MUSK: variants seen among roughly 807,000 people sequenced by gnomAD.
The protein encoded by MUSK is muscle, skeletal receptor tyrosine-protein kinase.
Under a neutral mutation model 88.7 loss-of-function variants are expected in MUSK, and 55 were observed. The observed-to-expected ratio is 0.62, with a 90% CI of 0.50 to 0.78. The LOEUF (loss-of-function observed/expected upper bound fraction) is 0.78, where lower values mean the gene tolerates loss of function less well. MUSK is among the 30% of genes least tolerant of loss of function. MUSK has a pLI of 0.00. For missense variants in MUSK, 1,015 were observed against 1,074.3 expected, an observed-to-expected ratio of 0.94 and a Z score of 0.77; for synonymous variants, 387 against 391.9, an observed-to-expected ratio of 0.99 and a Z score of 0.15.
At chr9:110,709,270 G>A (rs775570989) in intron 5 of MUSK, among the ~76,000 whole-genome samples, 28 of 152,044 alleles carry the variant, frequency 1.8e-4, no homozygotes, top group Admixed American at 2.6e-4. Flanking sequence ...ATTTATTTCC[G>A]TGAACAACAA....
intron 5 of MUSK, among the ~76,000 whole-genome samples, chr9:110,710,371 C>T (rs2076652598): frequency 6.6e-6 from 1 of 152,068 alleles, no homozygotes; most frequent in South Asian, 2.1e-4. Flanking sequence ...ACTCAGATAG[C>T]ATATTCACAG....
At chr9:110,689,301 A>C (rs1198311465) in intron 3 of MUSK, among the ~76,000 whole-genome samples, 34 of 118,028 alleles carry the variant, frequency 2.9e-4, no homozygotes, top group Non-Finnish European at 4.5e-4. Flanking sequence ...ATAGCTATAT[A>C]TTTATATTTA....
At chr9:110,702,944 C>T (rs2076551001) in intron 5 of MUSK, among the ~76,000 whole-genome samples, 1 of 151,604 alleles carries the variant, frequency 6.6e-6, no homozygotes, top group African/African-American at 2.4e-5. Flanking sequence ...ACATTGGTTC[C>T]AGGCCAAAAA....
intron 5 of MUSK, among the ~76,000 whole-genome samples, chr9:110,709,969 AC>A (rs11452265): frequency 2.6e-5 from 4 of 151,810 alleles, no homozygotes; most frequent in Admixed American, 1.3e-4. Context: ...ACATAGTGAG[AC>A]CCCCCTCTCT....
At chr9:110,728,634 G>T (rs2076919571) in intron 5 of MUSK, 2 of 1,173,144 alleles carry the variant, frequency 1.7e-6, no homozygotes, top group Non-Finnish European at 1.2e-6. Flanking sequence ...ATGATGTGTT[G>T]TTTTGTTTGC....
rs917141943 is a variant in MUSK, at chr9:110,767,943, A to G, written c.1044A>G (p.Gln348=). ...NTSYADPEEA[Q]ELLVHTAWNE... The stretch of plus-strand genomic sequence containing the variant: ...CCTATGCGGACCCTGAGGAGGCCCA[A>G]GAGCTACTGGTCCACACGGCCTGGA... Residue 348 remains glutamine (Q), a synonymous_variant, in exon 9 of 15, where the codon CAA becomes CAG. Coordinates refer to ENST00000374448, the MANE Select transcript of MUSK (RefSeq NM_005592.4). 4.3e-6 allele frequency: 7 copies of G among 1,613,852 alleles called. No homozygotes were observed. Among genetic ancestry groups the G allele is most frequent in the Admixed American group, 1.7e-5 (1 of 59,994 alleles).
chr9:110,762,085 T>G, intron 7 of MUSK, 117 bp from the exon 8 acceptor site: 1 of 1,068,906 alleles, frequency 9.4e-7, no homozygotes, highest in Non-Finnish European at 1.2e-6. Context: ...TTTCAGAAAC[T>G]TAGAGATCAG....
In MUSK at chr9:110,695,398, T is replaced by C; in HGVS notation, c.359-5T>C. ...TATTTATTTTGAATTTTCATTTCTT[T>C]TTAGAACCTAAAATAACTCGTCCTC... On this transcript the variant is annotated splice_polypyrimidine_tract_variant and splice_region_variant and intron_variant, in intron 3 of 14. Transcript: ENST00000374448. 3 of 1,483,186 alleles carry C rather than the reference T, an allele frequency of 2.0e-6. No individual in the cohort carries two copies. In the South Asian group the frequency reaches 4.0e-5, roughly 20 times the overall value. 91.9% of individuals were successfully genotyped at this position (1,483,186 alleles called of 1,614,324 possible). A position where few individuals can be genotyped will look rare whatever the true frequency, so the allele number is the denominator to read the frequency against.
intron 2 of MUSK, among the ~76,000 whole-genome samples, chr9:110,683,173 G>A (rs1229122744): frequency 4.0e-5 from 6 of 151,776 alleles, no homozygotes; most frequent in African/African-American, 1.5e-4. Flanking sequence ...TACGCTCCAT[G>A]TCCATGAGTT....
intron 12 of MUSK, among the ~76,000 whole-genome samples, chr9:110,785,314 G>A (rs2077836544): frequency 6.6e-6 from 1 of 152,182 alleles, no homozygotes; most frequent in Admixed American, 6.5e-5. Flanking sequence ...TGCCATTGCT[G>A]GCTTGGAGAG....
chr9:110,723,014 G>A (rs148418389), intron 5 of MUSK, among the ~76,000 whole-genome samples: 4,546 of 152,124 alleles, frequency 0.03, 223 homozygotes, highest in African/African-American at 0.1. Context: ...ATTTGATCCA[G>A]CAATCCCACT....
At chr9:110,722,745 A>G (rs1291686548) in intron 5 of MUSK, among the ~76,000 whole-genome samples, 1 of 152,042 alleles carries the variant, frequency 6.6e-6, no homozygotes, top group Non-Finnish European at 1.5e-5. Flanking sequence ...TGAACAGACA[A>G]TCTCAAAAGA....
chr9:110,682,670 T>A lies in MUSK; in HGVS notation c.80-4T>A. 1 of 1,610,816 alleles carries A rather than the reference T, an allele frequency of 6.2e-7. No individual in the cohort carries two copies. Among genetic ancestry groups the A allele is most frequent in the Non-Finnish European group, 8.5e-7 (1 of 1,178,314 alleles). ...TTCTCTTTTGATTTCTCCTTTCCTT[T>A]CAGCTCCTGTCATCACCACTCCTCT... On this transcript the variant is annotated splice_region_variant and splice_polypyrimidine_tract_variant and intron_variant, in intron 1 of 14. Coordinates refer to ENST00000374448, the MANE Select transcript of MUSK (RefSeq NM_005592.4).
chr9:110,734,324 A>G lies in MUSK; in HGVS notation c.702A>G (p.Thr234=), dbSNP rs1353194278. The change falls in exon 6 of 15, where the codon ACA becomes ACG. Residue 234 remains threonine (T), a synonymous_variant. Transcript: ENST00000374448. ...GCTCCTTTGTGACCCTGCACTGTAC[A>G]GCAACAGGCATTCCTGTCCCCACCA... ...TFGSFVTLHC[T]ATGIPVPTIT... 1 of 1,613,292 alleles carries G rather than the reference A, an allele frequency of 6.2e-7. No individual in the cohort carries two copies. Among genetic ancestry groups the G allele is most frequent in the Admixed American group, 1.7e-5 (1 of 59,934 alleles).
chr9:110,729,340 A>AAG (rs1270576808), intron 5 of MUSK, among the ~76,000 whole-genome samples: 1 of 146,344 alleles, frequency 6.8e-6, no homozygotes, highest in African/African-American at 2.6e-5. Flanking sequence ...AAAAAAAAAA[A>AAG]AAAAGAAAAA....
intron 7 of MUSK, among the ~76,000 whole-genome samples, chr9:110,759,892 C>T (rs977265457): frequency 1.3e-5 from 2 of 152,040 alleles, no homozygotes; most frequent in African/African-American, 2.4e-5. Context: ...AAAAGTTAGC[C>T]AGGTGTGGTG....
intron 11 of MUSK, among the ~76,000 whole-genome samples, chr9:110,780,810 A>G (rs539763821): frequency 2.6e-5 from 4 of 152,282 alleles, no homozygotes; most frequent in African/African-American, 9.6e-5. Context: ...GTATGATAAA[A>G]ATTGTTTAAT....
intron 14 of MUSK, among the ~76,000 whole-genome samples, chr9:110,789,297 T>C (rs1274288262): frequency 6.6e-6 from 1 of 152,180 alleles, no homozygotes; most frequent in African/African-American, 2.4e-5. Flanking sequence ...CTTCCATGTG[T>C]AATGTGAAAG....
At chr9:110,740,646 G>A (rs2077085456) in intron 6 of MUSK, among the ~76,000 whole-genome samples, 1 of 152,150 alleles carries the variant, frequency 6.6e-6, no homozygotes, top group African/African-American at 2.4e-5. Flanking sequence ...ACTAGGGCTT[G>A]GCATACTGTA....
Sources: gnomAD v4.1 joint callset for allele counts (sites outside exome capture counted in the v4.1 genomes callset) on GRCh38, gnomAD v4.1.1 for gene constraint, MANE v1.5 for transcripts, NCBI Gene and HGNC (gene_info 2026-07-23, HGNC 2026-07-21) for gene names.